ADAMTSL1: variants seen among roughly 807,000 people sequenced by gnomAD.
ADAMTSL1 encodes the protein ADAMTS-like protein 1.
In ADAMTSL1, 126 loss-of-function variants were observed where a neutral mutation model predicts 201.8. The observed-to-expected ratio is 0.62, with a 90% CI of 0.54 to 0.72. ADAMTSL1 has a LOEUF of 0.72. Ranked by LOEUF, ADAMTSL1 falls within the 30% of genes least tolerant of loss-of-function variation. The pLI is 0.00. For missense variants in ADAMTSL1, 2,679 were observed against 2,277.8 expected (o/e 1.18, Z -3.59); for synonymous variants, 1,121 against 903.4 (o/e 1.24, Z -4.32).
At chr9:18,213,374 ACAAAACACTGT>A (rs1159398058) in intron 2 of ADAMTSL1, among the ~76,000 whole-genome samples, 1 of 152,158 alleles carries the variant, frequency 6.6e-6, no homozygotes, top group African/African-American at 2.4e-5. Context: ...CCTTCGGAGA[ACAAAACACTGT>A]GTTCCTGGGT....
intron 1 of ADAMTSL1, among the ~76,000 whole-genome samples, chr9:18,158,599 A>C (rs2132073627): frequency 6.6e-6 from 1 of 152,164 alleles, no homozygotes; most frequent in African/African-American, 2.4e-5. Context: ...AAATCTGGTA[A>C]ACTCAATTTA....
At chr9:18,089,206 T>C (rs1287103593) in intron 1 of ADAMTSL1, among the ~76,000 whole-genome samples, 1 of 152,052 alleles carries the variant, frequency 6.6e-6, no homozygotes, top group Non-Finnish European at 1.5e-5. Flanking sequence ...GGTTTTGGTA[T>C]CAGGATGATG....
chr9:18,012,969 C>T (rs1820113150), intron 1 of ADAMTSL1, among the ~76,000 whole-genome samples: 2 of 151,206 alleles, frequency 1.3e-5, no homozygotes, highest in Non-Finnish European at 2.9e-5. Context: ...GGGCCTCCTT[C>T]TTACCCACCA....
At chr9:18,711,767 C>T (rs1380555533) in intron 14 of ADAMTSL1, among the ~76,000 whole-genome samples, 1 of 152,066 alleles carries the variant, frequency 6.6e-6, no homozygotes, top group African/African-American at 2.4e-5. Flanking sequence ...GGCCTGCCTG[C>T]CTCTGTAGGC....
At chr9:18,699,711 T>G (rs1481397164) in intron 13 of ADAMTSL1, among the ~76,000 whole-genome samples, 1 of 152,234 alleles carries the variant, frequency 6.6e-6, no homozygotes, top group Non-Finnish European at 1.5e-5. Flanking sequence ...TCAATCTTTT[T>G]CTTTTCAAGT....
At chr9:18,196,134 A>G (rs568283280) in intron 2 of ADAMTSL1, among the ~76,000 whole-genome samples, 126 of 152,112 alleles carry the variant, frequency 8.3e-4, no homozygotes, top group Non-Finnish European at 1.6e-3. Flanking sequence ...ATAGAGCTTC[A>G]GTTTGTGGTA....
intron 4 of ADAMTSL1, among the ~76,000 whole-genome samples, chr9:18,604,386 TG>T (rs1374161938): frequency 6.6e-6 from 1 of 152,210 alleles, no homozygotes. Context: ...AGGAAAACTT[TG>T]AAGAGGAAAC....
intron 2 of ADAMTSL1, among the ~76,000 whole-genome samples, chr9:18,310,693 A>T (rs1834116132): frequency 6.6e-6 from 1 of 152,198 alleles, no homozygotes; most frequent in African/African-American, 2.4e-5. Flanking sequence ...ATCATTAAAA[A>T]GTCAGGAAAC....
At chr9:18,888,866 A>G (rs1231161553) in intron 24 of ADAMTSL1, among the ~76,000 whole-genome samples, 1 of 152,220 alleles carries the variant, frequency 6.6e-6, no homozygotes, top group East Asian at 1.9e-4. Flanking sequence ...TTGGCTTTTC[A>G]GACAGGAAAA....
intron 2 of ADAMTSL1, among the ~76,000 whole-genome samples, chr9:18,378,600 C>T (rs1234030997): frequency 6.6e-6 from 1 of 152,132 alleles, no homozygotes; most frequent in Non-Finnish European, 1.5e-5. Flanking sequence ...ATTTCTCACA[C>T]CTCACCCTCT....
chr9:18,064,908 C>T (rs1586971918), intron 1 of ADAMTSL1, among the ~76,000 whole-genome samples: 1 of 142,156 alleles, frequency 7.0e-6, no homozygotes, highest in Admixed American at 7.3e-5. Flanking sequence ...ATAACTATAT[C>T]ACACTGGTAT....
In ADAMTSL1 at chr9:18,148,518, A is replaced by G. The variant is rs1172644430; in HGVS notation, c.88-15344A>G. Among the ~76,000 whole-genome samples the G allele has an allele frequency of 2.6e-5, 4 of 152,110 alleles. No homozygotes were observed. The South Asian group carries it at 6.2e-4, about 24-fold the overall frequency. On this transcript the variant is annotated intron_variant, in intron 1 of 29. Coordinates refer to the ADAMTSL1 transcript ENST00000680146. ...AGTGAGTAAAATGTTAGAAGCATCC[A>G]TGAATTCTAGAAAGGACAAGAACGA...
intron 23 of ADAMTSL1, among the ~76,000 whole-genome samples, chr9:18,834,236 A>G (rs1825175943): frequency 6.6e-6 from 1 of 152,196 alleles, no homozygotes; most frequent in South Asian, 2.1e-4. Flanking sequence ...TGTCGTTGAT[A>G]GTTTAATAGG....
At chr9:17,954,021 G>A (rs13283504) in intron 1 of ADAMTSL1, among the ~76,000 whole-genome samples, 13,303 of 152,178 alleles carry the variant, frequency 0.087, 818 homozygotes, top group South Asian at 0.21. Flanking sequence ...CTTCATTCAC[G>A]AGTCTGGAGT....
In ADAMTSL1 at chr9:18,753,337, T is replaced by C. The variant is rs568186536; in HGVS notation, c.2046T>C (p.Cys682=). 6.2e-7 allele frequency: 1 copy of C among 1,612,458 alleles called. No individual in the cohort carries two copies. The highest frequency in any genetic ancestry group is 8.5e-7 in the Non-Finnish European group (1 of 1,179,368). The stretch of plus-strand genomic sequence containing the variant: ...AGTGGAGTCCATGTAGTCTCACATG[T>C]GGGGTCGGCCTACAGACCAGAGACG... ...IGKWSPCSLT[C]GVGLQTRDVF... The change falls in exon 16 of 29, where the codon TGT becomes TGC. Residue 682 remains cysteine, a synonymous_variant. Transcript: ENST00000380548.
intron 2 of ADAMTSL1, among the ~76,000 whole-genome samples, chr9:18,450,149 C>T (rs1035731902): frequency 2.0e-4 from 31 of 151,928 alleles, no homozygotes; most frequent in African/African-American, 7.3e-4. Flanking sequence ...AAATAGGTAA[C>T]GAAATTATGG....
At chr9:18,668,539 C>G (rs113566369) in intron 9 of ADAMTSL1, among the ~76,000 whole-genome samples, 30 of 152,176 alleles carry the variant, frequency 2.0e-4, no homozygotes, top group African/African-American at 6.7e-4. Context: ...GGTATTATTT[C>G]CATCCTTATT....
chr9:18,756,468 A>G (rs764830000), intron 16 of ADAMTSL1, among the ~76,000 whole-genome samples: 5 of 152,056 alleles, frequency 3.3e-5, no homozygotes, highest in African/African-American at 7.2e-5. Flanking sequence ...GTATGGTGCA[A>G]TAAGTCCAGA....
At chr9:18,532,048 G>A (rs1462855368) in intron 2 of ADAMTSL1, among the ~76,000 whole-genome samples, 1 of 152,048 alleles carries the variant, frequency 6.6e-6, no homozygotes, top group Non-Finnish European at 1.5e-5. Context: ...AATGTACCTG[G>A]AATTCTAAAA....
Sources: allele counts gnomAD v4.1 joint callset (sites outside exome capture counted in the v4.1 genomes callset), GRCh38; gene constraint gnomAD v4.1.1; transcripts MANE v1.5; gene names NCBI Gene and HGNC (gene_info 2026-07-23, HGNC 2026-07-21).